The following ADK variants were observed in gnomAD, a reference collection of about 807,000 sequenced individuals.
ADK encodes N6,N6-dimethyladenosine kinase.
In ADK, 24 loss-of-function variants were observed where a neutral mutation model predicts 44.7. The ratio of observed to expected loss-of-function variants is 0.54; its 90% confidence interval spans 0.39 to 0.76. ADK has a LOEUF of 0.76. ADK is among the 30% of genes least tolerant of loss of function. The pLI, the probability that ADK is intolerant of heterozygous loss-of-function variation, is 0.00. For synonymous variants in ADK, 128 were observed against 142.6 expected, an observed-to-expected ratio of 0.90 and a Z score of 0.73; for missense variants, 321 against 425.1, an observed-to-expected ratio of 0.76 and a Z score of 2.15.
chr10:74,390,630 C>CAA (rs1483755361), intron 4 of ADK, among the ~76,000 whole-genome samples: 1 of 152,134 alleles, frequency 6.6e-6, no homozygotes, highest in East Asian at 1.9e-4. Flanking sequence ...TTCCAGATGT[C>CAA]ACAGTTATTC....
intron 7 of ADK, among the ~76,000 whole-genome samples, chr10:74,536,030 A>G (rs1294388985): frequency 6.6e-6 from 1 of 152,016 alleles, no homozygotes; most frequent in Non-Finnish European, 1.5e-5. Context: ...CTCATCTGTA[A>G]ATTGAGGGGA....
At chr10:74,323,940 C>T (rs894374936) in intron 4 of ADK, among the ~76,000 whole-genome samples, 14 of 151,972 alleles carry the variant, frequency 9.2e-5, no homozygotes, top group African/African-American at 3.4e-4. Flanking sequence ...TCTCTCTCAC[C>T]CCCTCATCTT....
intron 3 of ADK, among the ~76,000 whole-genome samples, chr10:74,268,984 A>G (rs1846320729): frequency 6.6e-6 from 1 of 152,242 alleles, no homozygotes; most frequent in Non-Finnish European, 1.5e-5. Context: ...GGAAGTTGGC[A>G]GCAAGGGAGA....
chr10:74,284,494 C>T (rs953071874), intron 3 of ADK, among the ~76,000 whole-genome samples: 2 of 152,124 alleles, frequency 1.3e-5, no homozygotes, highest in Non-Finnish European at 2.9e-5. Flanking sequence ...GAACTCCCAA[C>T]CTCAGATGAT....
At chr10:74,451,425 G>A (rs11001038) in intron 6 of ADK, among the ~76,000 whole-genome samples, 1 of 152,036 alleles carries the variant, frequency 6.6e-6, no homozygotes, top group Admixed American at 6.6e-5. Flanking sequence ...AATTTGCTGA[G>A]TTCTTTCCTA....
chr10:74,160,221 T>C (rs1841852696), intron 1 of ADK, among the ~76,000 whole-genome samples: 1 of 152,152 alleles, frequency 6.6e-6, no homozygotes, highest in African/African-American at 2.4e-5. Context: ...TAATGTGCCA[T>C]GTCAGTTTCC....
intron 4 of ADK, among the ~76,000 whole-genome samples, chr10:74,337,969 A>G (rs762671828): frequency 3.2e-4 from 48 of 151,950 alleles, no homozygotes; most frequent in Admixed American, 5.9e-4. Context: ...TGATTGCACC[A>G]CTACACTCCA....
intron 2 of ADK, among the ~76,000 whole-genome samples, chr10:74,215,665 C>CT (rs35998695): frequency 0.54 from 69,230 of 129,248 alleles, 19,322 homozygotes; most frequent in Non-Finnish European, 0.62. Flanking sequence ...ATAAATCACT[C>CT]TTTTTTTTTT....
intron 6 of ADK, among the ~76,000 whole-genome samples, chr10:74,488,374 C>CGTGTGTGTGTGT (rs60178427): frequency 5.2e-4 from 73 of 140,870 alleles, no homozygotes; most frequent in African/African-American, 1.7e-3. Flanking sequence ...GGAAAAAAGA[C>CGTGTGTGTGTGT]GTGTGTGTGT....
intron 1 of ADK, among the ~76,000 whole-genome samples, chr10:74,178,196 C>T (rs1488638865): frequency 2.6e-5 from 4 of 152,070 alleles, no homozygotes; most frequent in Non-Finnish European, 5.9e-5. Flanking sequence ...CCTGCCTTAG[C>T]CTCCCAAAGT....
intron 6 of ADK, among the ~76,000 whole-genome samples, chr10:74,420,902 G>A (rs924473404): frequency 2.6e-5 from 4 of 152,088 alleles, no homozygotes; most frequent in Non-Finnish European, 5.9e-5. Flanking sequence ...AAAAGTGGTT[G>A]ACTAAAAAGG....
chr10:74,472,471 C>T (rs1247218159), intron 6 of ADK, among the ~76,000 whole-genome samples: 2 of 151,948 alleles, frequency 1.3e-5, no homozygotes, highest in Non-Finnish European at 2.9e-5. Context: ...TCCTCCCCTC[C>T]ACTCCATTTT....
intron 4 of ADK, among the ~76,000 whole-genome samples, chr10:74,329,365 G>A (rs7899920): frequency 0.48 from 72,512 of 151,958 alleles, 19,997 homozygotes; most frequent in Non-Finnish European, 0.62. Context: ...AGCTGGGCAA[G>A]TATGAACTTG....
intron 7 of ADK, among the ~76,000 whole-genome samples, chr10:74,575,977 C>T (rs2133875928): frequency 6.6e-6 from 1 of 151,834 alleles, no homozygotes; most frequent in African/African-American, 2.4e-5. Context: ...ATGGACTTGA[C>T]AGAACTTGAA....
chr10:74,633,976 C>G (rs1048250541), intron 9 of ADK, among the ~76,000 whole-genome samples: 1 of 152,186 alleles, frequency 6.6e-6, no homozygotes, highest in Admixed American at 6.5e-5. Context: ...ATTCTACATA[C>G]AGACCTTATC....
chr10:74,478,590 CT>C (rs1420457415), intron 6 of ADK, among the ~76,000 whole-genome samples: 1 of 152,182 alleles, frequency 6.6e-6, no homozygotes, highest in Non-Finnish European at 1.5e-5. Context: ...GTTAGTAACT[CT>C]CAGTTCCTTA....
chr10:74,578,054 G>A (rs1010086278), intron 7 of ADK, among the ~76,000 whole-genome samples: 2 of 152,078 alleles, frequency 1.3e-5, no homozygotes, highest in African/African-American at 4.8e-5. Flanking sequence ...TAGTGGCAAT[G>A]ATTATCACAC....
intron 9 of ADK, among the ~76,000 whole-genome samples, chr10:74,616,418 G>T (rs1435745073): frequency 6.6e-6 from 1 of 152,052 alleles, no homozygotes; most frequent in Non-Finnish European, 1.5e-5. Flanking sequence ...AGGATAGGGA[G>T]AATGATTCAT....
chr10:74,605,503 A>G (rs1201674661), intron 9 of ADK, among the ~76,000 whole-genome samples: 6 of 152,152 alleles, frequency 3.9e-5, no homozygotes, highest in Non-Finnish European at 7.3e-5. Context: ...TGAGGTAATC[A>G]TGTGGCTTTT....
Sources: gnomAD v4.1 joint callset for allele counts (sites outside exome capture counted in the v4.1 genomes callset) on GRCh38, gnomAD v4.1.1 for gene constraint, MANE v1.5 for transcripts, NCBI Gene and HGNC (gene_info 2026-07-23, HGNC 2026-07-21) for gene names.